The following NKAIN2 variants were observed in gnomAD, a reference collection of about 807,000 sequenced individuals.
NKAIN2 encodes sodium/potassium-transporting ATPase subunit beta-1-interacting protein 2.
Under a neutral mutation model 32.6 loss-of-function variants are expected in NKAIN2, and 14 were observed. That is an observed-to-expected ratio of 0.43 (90% CI 0.28 to 0.67). NKAIN2 has a LOEUF of 0.67. NKAIN2 is among the 30% of genes least tolerant of loss of function. The pLI, the probability that NKAIN2 is intolerant of heterozygous loss-of-function variation, is 0.17. For synonymous variants in NKAIN2, 80 were observed against 87.2 expected, an observed-to-expected ratio of 0.92 and a Z score of 0.46; for missense variants, 198 against 258.3, an observed-to-expected ratio of 0.77 and a Z score of 1.60.
intron 1 of NKAIN2, among the ~76,000 whole-genome samples, chr6:124,064,367 C>G (rs1317675018): frequency 6.6e-6 from 1 of 151,922 alleles, no homozygotes; most frequent in African/African-American, 2.4e-5. Context: ...TGGGAATAAC[C>G]ATATTAAATG....
chr6:124,500,820 T>C (rs978369786), intron 3 of NKAIN2, among the ~76,000 whole-genome samples: 1 of 151,962 alleles, frequency 6.6e-6, no homozygotes, highest in African/African-American at 2.4e-5. Flanking sequence ...GGTTTTTAGA[T>C]CAGTCAGAGG....
intron 1 of NKAIN2, among the ~76,000 whole-genome samples, chr6:124,251,877 C>A (rs368925980): frequency 6.6e-6 from 1 of 151,812 alleles, no homozygotes; most frequent in South Asian, 2.1e-4. Context: ...AAATGTAAAA[C>A]CTATAGAAAT....
chr6:123,971,291 A>AT (rs1164362308), intron 1 of NKAIN2, among the ~76,000 whole-genome samples: 1 of 152,012 alleles, frequency 6.6e-6, no homozygotes, highest in East Asian at 1.9e-4. Context: ...TAAAAGTCAA[A>AT]TATCTTTCAC....
chr6:124,035,126 A>G (rs9491053), intron 1 of NKAIN2, among the ~76,000 whole-genome samples: 7,459 of 152,162 alleles, frequency 0.049, 610 homozygotes, highest in African/African-American at 0.17. Context: ...AAGAAAATAC[A>G]GAAATTGAGC....
At chr6:124,341,479 G>C (rs1200056056) in intron 2 of NKAIN2, among the ~76,000 whole-genome samples, 1 of 152,090 alleles carries the variant, frequency 6.6e-6, no homozygotes, top group Non-Finnish European at 1.5e-5. Context: ...TTCCCTTTTT[G>C]ATGCTCAAAA....
At chr6:124,582,155 T>C (rs928000533) in intron 3 of NKAIN2, among the ~76,000 whole-genome samples, 1 of 150,630 alleles carries the variant, frequency 6.6e-6, no homozygotes, top group African/African-American at 2.4e-5. Context: ...AAGATACAAA[T>C]AAATAAAACC....
intron 1 of NKAIN2, among the ~76,000 whole-genome samples, chr6:123,814,206 A>G (rs1773598228): frequency 6.6e-6 from 1 of 152,178 alleles, no homozygotes. Context: ...GTACTATTCT[A>G]CTTAAAACAA....
intron 1 of NKAIN2, among the ~76,000 whole-genome samples, chr6:124,019,841 T>C (rs1780786471): frequency 6.6e-6 from 1 of 152,156 alleles, no homozygotes; most frequent in Non-Finnish European, 1.5e-5. Context: ...ATAACCACTA[T>C]TCTCCATTAT....
intron 1 of NKAIN2, among the ~76,000 whole-genome samples, chr6:123,855,246 G>C (rs9375286): frequency 0.27 from 40,695 of 151,942 alleles, 6,404 homozygotes; most frequent in South Asian, 0.39. Context: ...AAAATATTGT[G>C]AACAAATATT....
At chr6:124,745,454 G>C (rs1777405397) in intron 4 of NKAIN2, among the ~76,000 whole-genome samples, 2 of 151,858 alleles carry the variant, frequency 1.3e-5, no homozygotes, top group East Asian at 3.9e-4. Context: ...AATTTTGTAA[G>C]TATCACAGCT....
chr6:124,810,121 T>G (rs1395633406), intron 5 of NKAIN2, among the ~76,000 whole-genome samples: 1 of 152,072 alleles, frequency 6.6e-6, no homozygotes, highest in Non-Finnish European at 1.5e-5. Flanking sequence ...GACCCAGCCA[T>G]CCCATTACTG....
At chr6:124,752,020 A>G (rs778866416) in intron 4 of NKAIN2, among the ~76,000 whole-genome samples, 4 of 151,930 alleles carry the variant, frequency 2.6e-5, no homozygotes, top group Non-Finnish European at 5.9e-5. Flanking sequence ...AGAGATCTCA[A>G]TCTGGTTTCA....
intron 3 of NKAIN2, among the ~76,000 whole-genome samples, chr6:124,517,968 A>G (rs559250720): frequency 1.3e-5 from 2 of 152,258 alleles, no homozygotes; most frequent in African/African-American, 4.8e-5. Flanking sequence ...TGCATTGTCA[A>G]GTATTTTAAT....
intron 3 of NKAIN2, among the ~76,000 whole-genome samples, chr6:124,516,722 C>A (rs1778929383): frequency 6.6e-6 from 1 of 152,180 alleles, no homozygotes; most frequent in Admixed American, 6.5e-5. Flanking sequence ...TGTACCATAA[C>A]CAATTAGACA....
chr6:124,297,661 G>T (rs1372838086), intron 2 of NKAIN2, among the ~76,000 whole-genome samples: 2 of 148,600 alleles, frequency 1.3e-5, no homozygotes, highest in African/African-American at 2.6e-5. Context: ...GCTTATTATT[G>T]TTCTTTTCCT....
At chr6:124,280,731 A>G (rs1441939126) in intron 1 of NKAIN2, among the ~76,000 whole-genome samples, 1 of 152,198 alleles carries the variant, frequency 6.6e-6, no homozygotes, top group Non-Finnish European at 1.5e-5. Flanking sequence ...GAAGGAATTC[A>G]TAGGAAAGAC....
In NKAIN2 at chr6:124,319,093, T is replaced by C. The variant is rs189211496; in HGVS notation, c.192+35951T>C. Among the ~76,000 whole-genome samples the C allele has an allele frequency of 1.8e-3, 275 of 152,168 alleles. 2 individuals are homozygous for C. The highest frequency in any genetic ancestry group is 6.5e-3 in the African/African-American group (270 of 41,548). Reference sequence around the variant, plus strand: ...GCCCCACTGAGATAGGATGCAAAGATAAAGTTGCGGTCTCTCCTACCAGTC... The same window carrying C: ...GCCCCACTGAGATAGGATGCAAAGACAAAGTTGCGGTCTCTCCTACCAGTC... On this transcript the variant is annotated intron_variant, in intron 2 of 6. Transcript: ENST00000368417.
chr6:124,201,732 C>T (rs1790600625), intron 1 of NKAIN2, among the ~76,000 whole-genome samples: 1 of 151,924 alleles, frequency 6.6e-6, no homozygotes. Flanking sequence ...CAAACATGTG[C>T]TGCAAAGATG....
At chr6:124,028,857 C>CTA (rs1214296788) in intron 1 of NKAIN2, among the ~76,000 whole-genome samples, 1 of 124,862 alleles carries the variant, frequency 8.0e-6, no homozygotes, top group South Asian at 2.4e-4. Context: ...ATGTGTGTGT[C>CTA]TATATATACA....
Sources: allele counts gnomAD v4.1 joint callset (sites outside exome capture counted in the v4.1 genomes callset), GRCh38; gene constraint gnomAD v4.1.1; transcripts MANE v1.5; gene names NCBI Gene and HGNC (gene_info 2026-07-23, HGNC 2026-07-21).